LYPLAL1: variants seen among roughly 807,000 people sequenced by gnomAD.
The protein encoded by LYPLAL1 is lysophospholipase like 1.
Under a neutral mutation model 19.7 loss-of-function variants are expected in LYPLAL1, and 23 were observed. The observed-to-expected ratio is 1.17, with a 90% CI of 0.84 to 1.65. The LOEUF (loss-of-function observed/expected upper bound fraction) is 1.65. LYPLAL1 is among the 40% of genes most tolerant of loss of function. LYPLAL1 has a pLI of 0.00. For synonymous variants in LYPLAL1, 119 were observed against 96.3 expected (o/e 1.24, Z -1.38); for missense variants, 355 against 279.4 (o/e 1.27, Z -1.93).
chr1:219,298,431 T>C, the LYPLAL1 span, among the ~76,000 whole-genome samples: 1 of 152,246 alleles, frequency 6.6e-6, no homozygotes. Context: ...AAGGAGGCGC[T>C]GAGGCTCTGA....
Position 219,193,253 on chromosome 1 carries a change from TA to T in LYPLAL1, c.361+4del. 1 of 1,603,740 alleles carries T rather than the reference TA, an allele frequency of 6.2e-7. No individual in the cohort carries two copies. Among genetic ancestry groups the T allele is most frequent in the Non-Finnish European group, 8.5e-7 (1 of 1,173,832 alleles). ...TCAAGAAGAACAGGATATTAATAGG[TA>T]AGACCTTTAAATGTTGGTAATTTAT... On this transcript the variant is annotated splice_donor_region_variant and intron_variant, in intron 3 of 4. Transcript: ENST00000366928.
the LYPLAL1 span, among the ~76,000 whole-genome samples, chr1:219,397,351 T>A: frequency 6.6e-6 from 1 of 152,228 alleles, no homozygotes; most frequent in Non-Finnish European, 1.5e-5. Context: ...TCAATGTTCA[T>A]AAAGGATATT....
At chr1:219,321,868 G>C in the LYPLAL1 span, among the ~76,000 whole-genome samples, 1 of 152,092 alleles carries the variant, frequency 6.6e-6, no homozygotes, top group Non-Finnish European at 1.5e-5. Context: ...TTTTTACTGG[G>C]TAATATACCC....
chr1:219,335,232 G>A, the LYPLAL1 span, among the ~76,000 whole-genome samples: 5 of 151,778 alleles, frequency 3.3e-5, no homozygotes, highest in East Asian at 3.9e-4. Context: ...CAATTCCATC[G>A]ATACTATCCC....
the LYPLAL1 span, among the ~76,000 whole-genome samples, chr1:219,334,879 A>G: frequency 1.2e-4 from 19 of 152,052 alleles, no homozygotes; most frequent in Non-Finnish European, 2.2e-4. Context: ...TCTTGGTAAC[A>G]TGGAAGGCAC....
chr1:219,328,979 G>A, the LYPLAL1 span, among the ~76,000 whole-genome samples: 1 of 151,598 alleles, frequency 6.6e-6, no homozygotes, highest in Admixed American at 6.6e-5. Flanking sequence ...ATACCACAGG[G>A]GTTTTCATAA....
chr1:219,234,976 AAC>A, the LYPLAL1 span, among the ~76,000 whole-genome samples: 33 of 91,136 alleles, frequency 3.6e-4, no homozygotes, highest in African/African-American at 1.6e-3. Flanking sequence ...AGAATATGAC[AAC>A]AATCTGAGCC....
the LYPLAL1 span, among the ~76,000 whole-genome samples, chr1:219,293,079 G>A: frequency 3.9e-5 from 6 of 152,260 alleles, no homozygotes; most frequent in South Asian, 6.2e-4. Context: ...GTTCTACTGC[G>A]TCTGATCAAT....
chr1:219,328,230 C>A, the LYPLAL1 span, among the ~76,000 whole-genome samples: 9 of 152,180 alleles, frequency 5.9e-5, no homozygotes, highest in African/African-American at 9.7e-5. Flanking sequence ...GTTGGCGATA[C>A]TTCCGGTTTC....
chr1:219,411,457 G>A, the LYPLAL1 span, among the ~76,000 whole-genome samples: 35 of 152,160 alleles, frequency 2.3e-4, no homozygotes, highest in African/African-American at 7.9e-4. Context: ...CTGATGGGGA[G>A]GTGGAGAACC....
At chr1:219,254,082 C>A in the LYPLAL1 span, among the ~76,000 whole-genome samples, 11 of 151,970 alleles carry the variant, frequency 7.2e-5, no homozygotes, top group Non-Finnish European at 1.6e-4. Context: ...TCTGTTTTGT[C>A]TGAAATTAAG....
the LYPLAL1 span, among the ~76,000 whole-genome samples, chr1:219,256,524 T>C: frequency 6.6e-6 from 1 of 151,848 alleles, no homozygotes; most frequent in African/African-American, 2.4e-5. Flanking sequence ...GCTGCTACTT[T>C]TCCTTTTGAA....
At chr1:219,287,519 C>T in the LYPLAL1 span, among the ~76,000 whole-genome samples, 1 of 152,148 alleles carries the variant, frequency 6.6e-6, no homozygotes, top group Non-Finnish European at 1.5e-5. Context: ...ACCTATTAGA[C>T]ACTTACACAT....
the LYPLAL1 span, among the ~76,000 whole-genome samples, chr1:219,314,637 G>A: frequency 6.6e-6 from 1 of 152,062 alleles, no homozygotes; most frequent in Non-Finnish European, 1.5e-5. Flanking sequence ...GTAGAGACGG[G>A]GTTTCACCGT....
intron 2 of LYPLAL1, among the ~76,000 whole-genome samples, chr1:219,179,854 C>G (rs1175697738): frequency 6.6e-6 from 1 of 152,136 alleles, no homozygotes; most frequent in African/African-American, 2.4e-5. Context: ...AAATTAACAT[C>G]TGCATAGTCT....
At chr1:219,352,434 C>T in the LYPLAL1 span, among the ~76,000 whole-genome samples, 1 of 152,240 alleles carries the variant, frequency 6.6e-6, no homozygotes, top group East Asian at 1.9e-4. Context: ...AGGAGAATGG[C>T]GTGAACCCGG....
chr1:219,217,379 G>GGGGTGTGT (rs1553304603), downstream of LYPLAL1, among the ~76,000 whole-genome samples: 2 of 134,048 alleles, frequency 1.5e-5, no homozygotes, highest in African/African-American at 5.3e-5. Flanking sequence ...TGCCAGGTTT[G>GGGGTGTGT]GTGTGTGTGT....
chr1:219,303,711 G>A, the LYPLAL1 span, among the ~76,000 whole-genome samples: 1 of 152,158 alleles, frequency 6.6e-6, no homozygotes, highest in Non-Finnish European at 1.5e-5. Context: ...AAAACCTTTG[G>A]TCTGGCTTAT....
chr1:219,314,333 T>A, the LYPLAL1 span, among the ~76,000 whole-genome samples: 2 of 152,276 alleles, frequency 1.3e-5, no homozygotes, highest in African/African-American at 4.8e-5. Context: ...CCTTTGGGCA[T>A]ATACCCAATA....
Sources: gnomAD v4.1 joint callset for allele counts (sites outside exome capture counted in the v4.1 genomes callset) on GRCh38, gnomAD v4.1.1 for gene constraint, MANE v1.5 for transcripts, NCBI Gene and HGNC (gene_info 2026-07-23, HGNC 2026-07-21) for gene names.